Variants in SNTG1 observed in about 807,000 individuals in gnomAD.
SNTG1 encodes gamma-1-syntrophin.
In SNTG1, 39 loss-of-function variants were observed where a neutral mutation model predicts 74.7. That is an observed-to-expected ratio of 0.52 (90% CI 0.40 to 0.68). The LOEUF (loss-of-function observed/expected upper bound fraction) is 0.68. Among genes scored for constraint, SNTG1 ranks in the 30% least tolerant of loss-of-function variants. SNTG1 has a pLI of 0.00. For missense variants in SNTG1, 685 were observed against 609.5 expected (o/e 1.12, Z -1.30); for synonymous variants, 254 against 217.1 (o/e 1.17, Z -1.49).
intron 2 of SNTG1, among the ~76,000 whole-genome samples, chr8:50,239,484 C>A (rs1343028283): frequency 6.6e-6 from 1 of 152,156 alleles, no homozygotes; most frequent in Non-Finnish European, 1.5e-5. Context: ...ACCATCAACT[C>A]TTGTGAGAAT....
chr8:50,397,884 C>A (rs927902495), intron 3 of SNTG1, among the ~76,000 whole-genome samples: 1 of 152,076 alleles, frequency 6.6e-6, no homozygotes, highest in Non-Finnish European at 1.5e-5. Flanking sequence ...CAGATGGTTG[C>A]GTTAATTTTT....
intron 13 of SNTG1, among the ~76,000 whole-genome samples, chr8:50,633,466 A>G (rs906657): frequency 0.42 from 63,966 of 152,118 alleles, 18,412 homozygotes; most frequent in African/African-American, 0.83. Context: ...AGATGAGAGA[A>G]CAGGTGCATA....
chr8:50,717,227 T>C (rs1035552587), intron 17 of SNTG1, among the ~76,000 whole-genome samples: 3 of 152,216 alleles, frequency 2.0e-5, no homozygotes, highest in Admixed American at 2.0e-4. Flanking sequence ...TCTTTACTTT[T>C]TTATTCTTTC....
At chr8:50,515,830 C>T (rs890171741) in intron 9 of SNTG1, among the ~76,000 whole-genome samples, 6 of 152,146 alleles carry the variant, frequency 3.9e-5, no homozygotes, top group Admixed American at 3.3e-4. Context: ...AAACTCCCGT[C>T]TCCCTGGGAC....
chr8:50,416,381 G>C (rs2093013936), intron 4 of SNTG1, among the ~76,000 whole-genome samples: 1 of 152,154 alleles, frequency 6.6e-6, no homozygotes, highest in Non-Finnish European at 1.5e-5. Flanking sequence ...AGTGGGCTTG[G>C]ATCCACATAG....
intron 15 of SNTG1, among the ~76,000 whole-genome samples, chr8:50,674,327 C>A (rs2131360833): frequency 6.6e-6 from 1 of 152,106 alleles, no homozygotes; most frequent in African/African-American, 2.4e-5. Flanking sequence ...GGTTGGTAGG[C>A]TATTAATTAC....
At chr8:50,602,480 GTTA>G (rs2094782067) in intron 13 of SNTG1, among the ~76,000 whole-genome samples, 1 of 152,058 alleles carries the variant, frequency 6.6e-6, no homozygotes, top group African/African-American at 2.4e-5. Context: ...AAAAGTTGTA[GTTA>G]TTATTTTTGA....
At chr8:50,607,552 A>G (rs182349702) in intron 13 of SNTG1, among the ~76,000 whole-genome samples, 6 of 151,564 alleles carry the variant, frequency 4.0e-5, no homozygotes, top group South Asian at 2.1e-4. Context: ...TTGCTTTTCA[A>G]TTTTGGTAAT....
At chr8:50,555,319 A>C (rs1459613683) in intron 12 of SNTG1, among the ~76,000 whole-genome samples, 1 of 152,196 alleles carries the variant, frequency 6.6e-6, no homozygotes, top group East Asian at 1.9e-4. Context: ...GTTTCCATTC[A>C]AAAGTATTAG....
In SNTG1 at chr8:50,171,467, C is replaced by T. The variant is rs377347103; in HGVS notation, c.-102-1094C>T. Among the ~76,000 whole-genome samples the T allele has an allele frequency of 5.9e-5, 9 of 152,212 alleles. 1 individual carries two copies. The highest frequency in any genetic ancestry group is 2.2e-4 in the African/African-American group (9 of 41,534). ...CATGGTTTTCTGCCTGCTTTATATC[C>T]TGGCAAAGCTGGCAGCTGATTAGAT... On this transcript the variant is annotated intron_variant, in intron 1 of 18. Coordinates refer to ENST00000642720, the MANE Select transcript of SNTG1 (RefSeq NM_018967.5).
At chr8:49,998,147 A>G (rs1563449968) in intron 1 of SNTG1, among the ~76,000 whole-genome samples, 2 of 152,182 alleles carry the variant, frequency 1.3e-5, no homozygotes, top group African/African-American at 4.8e-5. Flanking sequence ...ACATACACAT[A>G]CATAACATAG....
chr8:50,282,007 GTTCACCTT>G (rs2088486917), intron 2 of SNTG1, among the ~76,000 whole-genome samples: 1 of 152,138 alleles, frequency 6.6e-6, no homozygotes. Flanking sequence ...CCATTTTAAA[GTTCACCTT>G]GATCAAAAAC....
chr8:50,555,037 GA>G (rs1191873765), intron 12 of SNTG1, among the ~76,000 whole-genome samples: 1 of 152,064 alleles, frequency 6.6e-6, no homozygotes, highest in Non-Finnish European at 1.5e-5. Flanking sequence ...ACAAGCATTT[GA>G]AAAGTCAATG....
intron 1 of SNTG1, among the ~76,000 whole-genome samples, chr8:50,133,400 T>C (rs2081375263): frequency 6.6e-6 from 1 of 152,194 alleles, no homozygotes; most frequent in African/African-American, 2.4e-5. Context: ...CTTCTGTCTC[T>C]TACCCAATTC....
At chr8:50,684,104 G>A (rs1036942257) in intron 15 of SNTG1, among the ~76,000 whole-genome samples, 15 of 152,138 alleles carry the variant, frequency 9.9e-5, no homozygotes, top group Admixed American at 9.8e-4. Flanking sequence ...TTATTTTTTG[G>A]AGGCAGGGCC....
At chr8:50,765,253 T>C (rs1218709424) in intron 18 of SNTG1, among the ~76,000 whole-genome samples, 1 of 152,072 alleles carries the variant, frequency 6.6e-6, no homozygotes, top group Non-Finnish European at 1.5e-5. Context: ...TTCTGTAGCA[T>C]TTGGCTAAAG....
At chr8:50,629,932 T>C (rs1012663507) in intron 13 of SNTG1, among the ~76,000 whole-genome samples, 1 of 152,168 alleles carries the variant, frequency 6.6e-6, no homozygotes, top group Non-Finnish European at 1.5e-5. Flanking sequence ...ATATTATAAA[T>C]ACATGTGGCA....
chr8:49,924,977 C>G (rs533535427), intron 1 of SNTG1, among the ~76,000 whole-genome samples: 1 of 151,682 alleles, frequency 6.6e-6, no homozygotes, highest in South Asian at 2.1e-4. Flanking sequence ...AAGTGAGACC[C>G]CCCCATCACT....
chr8:50,009,560 G>A (rs144579602), intron 1 of SNTG1, among the ~76,000 whole-genome samples: 72 of 152,204 alleles, frequency 4.7e-4, no homozygotes, highest in Middle Eastern at 3.4e-3. Context: ...ACAAGTTCTT[G>A]TCATAGCCAT....
Sources: allele counts gnomAD v4.1 joint callset (sites outside exome capture counted in the v4.1 genomes callset), GRCh38; gene constraint gnomAD v4.1.1; transcripts MANE v1.5; gene names NCBI Gene and HGNC (gene_info 2026-07-23, HGNC 2026-07-21).